Variants in DLGAP1 observed in about 807,000 individuals in gnomAD.
DLGAP1 encodes the protein DLG associated protein 1.
Under a neutral mutation model 90.8 loss-of-function variants are expected in DLGAP1, and 11 were observed. The observed-to-expected ratio is 0.12, with a 90% CI of 0.08 to 0.20. The LOEUF (loss-of-function observed/expected upper bound fraction) is 0.20, where lower values mean the gene tolerates loss of function less well. DLGAP1 is among the 10% of genes least tolerant of loss of function. The pLI, the probability that DLGAP1 is intolerant of heterozygous loss-of-function variation, is 1.00. For synonymous variants in DLGAP1, 558 were observed against 540.7 expected (o/e 1.03, Z -0.44); for missense variants, 1,050 against 1,333.8 (o/e 0.79, Z 3.31).
chr18:4,420,049 C>G (rs281012), intron 1 of DLGAP1, among the ~76,000 whole-genome samples: 122,355 of 152,066 alleles, frequency 0.8, 51,775 homozygotes, highest in East Asian at 0.97. Context: ...GGTAGCTATG[C>G]TAATAGGTAA....
chr18:4,369,083 A>G (rs1407235222), intron 1 of DLGAP1, among the ~76,000 whole-genome samples: 1 of 152,212 alleles, frequency 6.6e-6, no homozygotes, highest in Non-Finnish European at 1.5e-5. Flanking sequence ...TCAGATAAGC[A>G]AAGATGGATC....
rs1182041175 is a variant in DLGAP1 at position 3,600,819 on chromosome 18, GATATATAGAT to G, written c.1592-18581_1592-18572del. ...ATATATAGATATATAGATATATATA[GATATATAGAT>G]ATATATAGATATATATAGATATATA... On this transcript the variant is annotated intron_variant, in intron 7 of 12. Transcript: ENST00000315677. 9.7e-4 allele frequency among the ~76,000 whole-genome samples: 54 copies of G among 55,712 alleles called. 7 individuals are homozygous for G. The highest frequency in any genetic ancestry group is 3.3e-3 in the African/African-American group (41 of 12,538). The allele number at this position is 55,712 out of a possible 152,430, so 36.5% of individuals were successfully genotyped here.
At chr18:4,240,870 C>T (rs1281022267) in intron 1 of DLGAP1, among the ~76,000 whole-genome samples, 3 of 152,184 alleles carry the variant, frequency 2.0e-5, no homozygotes, top group Non-Finnish European at 4.4e-5. Context: ...ACTATGCAAT[C>T]ATACGAACTT....
intron 5 of DLGAP1, among the ~76,000 whole-genome samples, chr18:3,790,233 C>G (rs1329561714): frequency 6.6e-6 from 1 of 151,762 alleles, no homozygotes; most frequent in African/African-American, 2.4e-5. Context: ...TGGACAGTTT[C>G]AAAATCTTCC....
At chr18:3,922,060 T>C (rs7239546) in intron 3 of DLGAP1, among the ~76,000 whole-genome samples, 88,772 of 151,744 alleles carry the variant, frequency 0.59, 26,027 homozygotes, top group African/African-American at 0.61. Context: ...GACAGGGAAT[T>C]GGGAAGGCAG....
Position 3,729,159 on chromosome 18 carries a change from C to CGGTGGTGGT in DLGAP1, c.1558_1566dup (p.Thr520_Thr522dup). 6.2e-7 allele frequency: 1 copy of CGGTGGTGGT among 1,612,808 alleles called. No homozygotes were observed. Among genetic ancestry groups the CGGTGGTGGT allele is most frequent in the Non-Finnish European group, 8.5e-7 (1 of 1,179,682 alleles). The stretch of plus-strand genomic sequence containing the variant: ...CCCGTGCTGCTCTGGATGGTCCTAA[C>CGGTGGTGGT]GGTGGTGGTGGTGCGCGGCGGCGAG... On this transcript the variant is annotated inframe_insertion, in exon 7 of 13. Coordinates refer to ENST00000315677, the MANE Select transcript of DLGAP1 (RefSeq NM_004746.4). This position sits in a 1 kb window ranked among gnomAD's most constrained non-coding sequence, Gnocchi z 6.2.
At chr18:3,799,489 A>T (rs1405479245) in intron 5 of DLGAP1, among the ~76,000 whole-genome samples, 1 of 136,240 alleles carries the variant, frequency 7.3e-6, no homozygotes. Flanking sequence ...TCACTTAAAA[A>T]ACGTAGTGCC....
intron 3 of DLGAP1, among the ~76,000 whole-genome samples, chr18:3,934,853 G>A (rs1187779840): frequency 6.6e-6 from 1 of 152,232 alleles, no homozygotes; most frequent in Non-Finnish European, 1.5e-5. Context: ...GCTGGAGTGA[G>A]AGGGGTCTTT....
At chr18:4,079,710 AT>A (rs1355776864) in intron 2 of DLGAP1, among the ~76,000 whole-genome samples, 123 of 150,900 alleles carry the variant, frequency 8.2e-4, no homozygotes, top group African/African-American at 3.0e-3. Flanking sequence ...ATATATATAT[AT>A]ATAAAAGAAA....
intron 3 of DLGAP1, among the ~76,000 whole-genome samples, chr18:3,900,691 C>T (rs1416773393): frequency 2.0e-5 from 3 of 152,068 alleles, no homozygotes; most frequent in Admixed American, 2.0e-4. Flanking sequence ...GGAGGAATCA[C>T]ACATGATTGT....
intron 1 of DLGAP1, among the ~76,000 whole-genome samples, chr18:4,410,508 C>T (rs2082754308): frequency 6.6e-6 from 1 of 151,996 alleles, no homozygotes; most frequent in Non-Finnish European, 1.5e-5. Context: ...TATCCCATTT[C>T]CAAACATTAA....
At chr18:3,813,386 T>C (rs2066936836) in intron 5 of DLGAP1, among the ~76,000 whole-genome samples, 2 of 152,160 alleles carry the variant, frequency 1.3e-5, no homozygotes, top group Admixed American at 6.5e-5. Context: ...GGCTAGACCA[T>C]CTAAGTTTTT....
intron 1 of DLGAP1, among the ~76,000 whole-genome samples, chr18:4,236,831 T>C (rs951631394): frequency 2.0e-5 from 3 of 152,194 alleles, no homozygotes; most frequent in Admixed American, 6.5e-5. Flanking sequence ...TGTTTGCATA[T>C]AGGTCTTCTA....
chr18:3,805,878 C>T (rs1252811635), intron 5 of DLGAP1, among the ~76,000 whole-genome samples: 1 of 152,218 alleles, frequency 6.6e-6, no homozygotes, highest in African/African-American at 2.4e-5. Flanking sequence ...AATAACTTTG[C>T]ACTTAGAAGT....
chr18:4,156,119 G>A (rs886957619), intron 1 of DLGAP1, among the ~76,000 whole-genome samples: 1 of 152,188 alleles, frequency 6.6e-6, no homozygotes, highest in Admixed American at 6.5e-5. Flanking sequence ...CCTCGACGTC[G>A]CTGGAGATGA....
intron 3 of DLGAP1, among the ~76,000 whole-genome samples, chr18:3,991,995 C>G (rs1457649161): frequency 6.6e-6 from 1 of 152,158 alleles, no homozygotes; most frequent in Non-Finnish European, 1.5e-5. Context: ...TAAAGTACTT[C>G]TCTCCCCTGA....
intron 1 of DLGAP1, among the ~76,000 whole-genome samples, chr18:4,329,442 T>C (rs2080899357): frequency 6.6e-6 from 1 of 151,936 alleles, no homozygotes; most frequent in Non-Finnish European, 1.5e-5. Context: ...TCCAGCTTTG[T>C]TTTCTGTTTA....
chr18:4,421,478 T>C (rs774483981), intron 1 of DLGAP1, among the ~76,000 whole-genome samples: 27 of 152,124 alleles, frequency 1.8e-4, no homozygotes, highest in Admixed American at 5.2e-4. Context: ...TATTGACAAG[T>C]TCCAGGATTA....
intron 2 of DLGAP1, among the ~76,000 whole-genome samples, chr18:4,124,486 C>T (rs1453040607): frequency 6.6e-6 from 1 of 152,222 alleles, no homozygotes; most frequent in Non-Finnish European, 1.5e-5. Context: ...CACATAATGA[C>T]AGGCCAGGGC....
Sources: allele counts gnomAD v4.1 joint callset (sites outside exome capture counted in the v4.1 genomes callset), GRCh38; gene constraint gnomAD v4.1.1; non-coding constraint Gnocchi (gnomAD v3.1); transcripts MANE v1.5; gene names NCBI Gene and HGNC (gene_info 2026-07-23, HGNC 2026-07-21).